The following AK4 variants were observed in gnomAD, a reference collection of about 807,000 sequenced individuals.
AK4 encodes the protein adenylate kinase 4, also known as adenylate kinase 4, mitochondrial.
Under a neutral mutation model 24.6 loss-of-function variants are expected in AK4, and 13 were observed. That is an observed-to-expected ratio of 0.53 (90% CI 0.34 to 0.84). The LOEUF (loss-of-function observed/expected upper bound fraction) is 0.84. Ranked by LOEUF, AK4 falls within the 40% of genes least tolerant of loss-of-function variation. The pLI, the probability that AK4 is intolerant of heterozygous loss-of-function variation, is 0.01. For synonymous variants in AK4, 88 were observed against 107.0 expected (o/e 0.82, Z 1.10); for missense variants, 192 against 288.2 (o/e 0.67, Z 2.42).
chr1:65,184,464 G>A lies in AK4; in HGVS notation c.146-6246G>A, dbSNP rs138350660. On this transcript the variant is annotated intron_variant, in intron 1 of 4. Transcript: ENST00000327299. ...ACTTAAGAAAAAGGCAAAGATAGTGGCCTCTTTGGGGCACCCTATATTTAT... is the reference window on the plus strand; with the variant it reads ...ACTTAAGAAAAAGGCAAAGATAGTGACCTCTTTGGGGCACCCTATATTTAT... Among the ~76,000 whole-genome samples the A allele has an allele frequency of 3.7e-3, 558 of 152,208 alleles. 4 individuals are homozygous for A. The highest frequency in any genetic ancestry group is 0.013 in the African/African-American group (536 of 41,524).
chr1:65,154,726 A>G (rs1214450344), intron 1 of AK4: 11 of 266,532 alleles, frequency 4.1e-5, no homozygotes, highest in Non-Finnish European at 8.6e-5. Flanking sequence ...CATAAAATAA[A>G]CATTCAAACA....
chr1:65,162,220 TG>T (rs1470585666), intron 1 of AK4, among the ~76,000 whole-genome samples: 2 of 152,132 alleles, frequency 1.3e-5, no homozygotes, highest in African/African-American at 4.8e-5. Flanking sequence ...CACTCTAGCC[TG>T]GGCGATACAG....
chr1:65,225,558 C>T (rs961370110), intron 4 of AK4, among the ~76,000 whole-genome samples: 4 of 152,112 alleles, frequency 2.6e-5, no homozygotes, highest in Admixed American at 6.6e-5. Flanking sequence ...AAATAACATG[C>T]AAGTCAAACA....
intron 1 of AK4, among the ~76,000 whole-genome samples, chr1:65,160,087 A>G (rs1426202499): frequency 6.6e-6 from 1 of 152,036 alleles, no homozygotes. Flanking sequence ...CTGGGGCTCC[A>G]TAGCTAGGAT....
intron 2 of AK4, among the ~76,000 whole-genome samples, chr1:65,203,167 C>A (rs879764225): frequency 6.6e-6 from 1 of 152,084 alleles, no homozygotes; most frequent in Non-Finnish European, 1.5e-5. Flanking sequence ...GCCACTGTGC[C>A]GAGTTGTATA....
At chr1:65,163,717 G>C (rs1201890852) in intron 1 of AK4, among the ~76,000 whole-genome samples, 2 of 152,204 alleles carry the variant, frequency 1.3e-5, no homozygotes, top group Non-Finnish European at 2.9e-5. Flanking sequence ...AATCCACGTA[G>C]AGCTGGCTGT....
At chr1:65,175,843 C>T (rs1374987896) in intron 1 of AK4, among the ~76,000 whole-genome samples, 1 of 152,164 alleles carries the variant, frequency 6.6e-6, no homozygotes, top group Non-Finnish European at 1.5e-5. Context: ...TTCCTATTTG[C>T]TCCCTTGCCC....
chr1:65,188,319 C>T (rs989931144), intron 1 of AK4, among the ~76,000 whole-genome samples: 3 of 151,720 alleles, frequency 2.0e-5, no homozygotes, highest in African/African-American at 4.8e-5. Flanking sequence ...CGCTTGAACC[C>T]GGGAGGCAGA....
chr1:65,181,870 C>T (rs1406656519), intron 1 of AK4, among the ~76,000 whole-genome samples: 1 of 152,076 alleles, frequency 6.6e-6, no homozygotes, highest in Non-Finnish European at 1.5e-5. Flanking sequence ...TTCTCTGACA[C>T]TTAGGGAAAT....
intron 1 of AK4, among the ~76,000 whole-genome samples, chr1:65,151,269 C>T (rs1649762931): frequency 6.6e-6 from 1 of 152,040 alleles, no homozygotes; most frequent in Non-Finnish European, 1.5e-5. Context: ...ACCTGACCTC[C>T]TCTCCTCTGC....
chr1:65,175,252 G>T (rs1430327611), intron 1 of AK4, among the ~76,000 whole-genome samples: 1 of 152,200 alleles, frequency 6.6e-6, no homozygotes, highest in Non-Finnish European at 1.5e-5. Flanking sequence ...AAGAGTGTCC[G>T]CATCAGCTCT....
At chr1:65,207,771 C>T (rs1173100085) in intron 2 of AK4, among the ~76,000 whole-genome samples, 1 of 152,042 alleles carries the variant, frequency 6.6e-6, no homozygotes, top group Non-Finnish European at 1.5e-5. Flanking sequence ...ATTAGCTACC[C>T]CTTATAAGTG....
At chr1:65,159,147 C>T (rs1320528740) in intron 1 of AK4, among the ~76,000 whole-genome samples, 2 of 152,202 alleles carry the variant, frequency 1.3e-5, no homozygotes, top group Non-Finnish European at 2.9e-5. Context: ...ATTTTCTGAT[C>T]TTCAGCACCT....
chr1:65,202,072 A>G (rs755232434), intron 2 of AK4, among the ~76,000 whole-genome samples: 1 of 152,226 alleles, frequency 6.6e-6, no homozygotes, highest in Non-Finnish European at 1.5e-5. Context: ...TGTGAACAAC[A>G]TATTTTTAAA....
In AK4 at chr1:65,218,927, G is replaced by A. The variant is rs762554002; in HGVS notation, c.438+1G>A. 1.9e-6 allele frequency: 3 copies of A among 1,564,916 alleles called. No homozygotes were observed. The highest frequency in any genetic ancestry group is 1.4e-5 in the African/African-American group (1 of 72,248). ...GGACTTCAATCCACCTCATGTACAT[G>A]TAAGAATATACAAAGTGCTTTCACA... On this transcript the variant is annotated splice_donor_variant, in intron 3 of 4. Coordinates refer to ENST00000327299, the MANE Select transcript of AK4 (RefSeq NM_013410.4). LOFTEE classifies it high-confidence loss of function.
intron 1 of AK4, among the ~76,000 whole-genome samples, chr1:65,172,805 TCTC>T (rs1557444925): frequency 1.3e-5 from 2 of 151,862 alleles, no homozygotes; most frequent in African/African-American, 4.9e-5. Context: ...GATGCTTTCT[TCTC>T]TTCTTCTTCG....
At chr1:65,162,181 G>T (rs1650189140) in intron 1 of AK4, among the ~76,000 whole-genome samples, 1 of 152,222 alleles carries the variant, frequency 6.6e-6, no homozygotes, top group African/African-American at 2.4e-5. Flanking sequence ...AGGAGGTGGA[G>T]GCTGCAGTGA....
At chr1:65,149,164 C>T (rs1214095186) in intron 1 of AK4, 1 of 152,944 alleles carries the variant, frequency 6.5e-6, no homozygotes, top group African/African-American at 2.4e-5. Context: ...AGCAACTCCC[C>T]CCCCTCCCGA....
At chr1:65,192,105 C>G (rs1651325874) in intron 2 of AK4, among the ~76,000 whole-genome samples, 1 of 152,160 alleles carries the variant, frequency 6.6e-6, no homozygotes, top group Non-Finnish European at 1.5e-5. Flanking sequence ...CAGAAGTTAG[C>G]CCTTTTCTTA....
Sources: gnomAD v4.1 joint callset for allele counts (sites outside exome capture counted in the v4.1 genomes callset) on GRCh38, gnomAD v4.1.1 for gene constraint, MANE v1.5 for transcripts, NCBI Gene and HGNC (gene_info 2026-07-23, HGNC 2026-07-21) for gene names.